The following KLF8 variants were observed in gnomAD, a reference collection of about 807,000 sequenced individuals.
KLF8 encodes the protein Krueppel-like factor 8.
Under a neutral mutation model 18.2 loss-of-function variants are expected in KLF8, and 10 were observed. The ratio of observed to expected loss-of-function variants is 0.55; its 90% CI spans 0.34 to 0.93. The LOEUF is 0.93. Ranked by LOEUF, KLF8 falls within the 40% of genes least tolerant of loss-of-function variation. The pLI, the probability that KLF8 is intolerant of heterozygous loss-of-function variation, is 0.02. For synonymous variants in KLF8, 109 were observed against 97.3 expected (o/e 1.12, Z -0.71); for missense variants, 264 against 277.9 (o/e 0.95, Z 0.36).
At chrX:56,061,633 A>G in the KLF8 span, among the ~76,000 whole-genome samples, 3 of 111,771 alleles carry the variant, frequency 2.7e-5, no homozygotes, top group Non-Finnish European at 5.6e-5. Context: ...AGAAGAATGT[A>G]TATTCTGTTG....
the KLF8 span, among the ~76,000 whole-genome samples, chrX:55,946,265 A>T: frequency 8.9e-6 from 1 of 112,102 alleles, no homozygotes; most frequent in Non-Finnish European, 1.9e-5. Context: ...CCAAAACAGC[A>T]TGGTACTGGT....
the KLF8 span, among the ~76,000 whole-genome samples, chrX:55,977,237 A>G: frequency 8.0e-4 from 89 of 111,683 alleles, no homozygotes; most frequent in African/African-American, 2.7e-3. Flanking sequence ...ACCGTTGGGT[A>G]TGATGTTAGT....
chrX:56,162,218 T>A, the KLF8 span, among the ~76,000 whole-genome samples: 1 of 112,156 alleles, frequency 8.9e-6, no homozygotes, highest in Non-Finnish European at 1.9e-5. Flanking sequence ...TTGGGGGTCA[T>A]GGACCCACTT....
chrX:56,082,093 T>C, the KLF8 span, among the ~76,000 whole-genome samples: 3 of 111,753 alleles, frequency 2.7e-5, no homozygotes, highest in African/African-American at 9.7e-5. Flanking sequence ...GACTGTTCTC[T>C]GTTTAGAAGT....
the KLF8 span, among the ~76,000 whole-genome samples, chrX:55,910,495 C>A: frequency 9.0e-6 from 1 of 111,346 alleles, no homozygotes; most frequent in African/African-American, 3.3e-5. Context: ...GTGTTCTAGA[C>A]AGAGGAAGTA....
chrX:56,174,264 C>T, the KLF8 span, among the ~76,000 whole-genome samples: 1 of 111,752 alleles, frequency 8.9e-6, no homozygotes, highest in Non-Finnish European at 1.9e-5. Flanking sequence ...TTTGGAGATA[C>T]GTCCCATCAA....
chrX:56,169,707 A>G, the KLF8 span, among the ~76,000 whole-genome samples: 3 of 110,252 alleles, frequency 2.7e-5, no homozygotes, highest in Non-Finnish European at 5.7e-5. Flanking sequence ...AGTTTTTTTG[A>G]CTCCAGTCCC....
the KLF8 span, among the ~76,000 whole-genome samples, chrX:55,909,464 A>G: frequency 3.5e-5 from 4 of 112,770 alleles, no homozygotes; most frequent in Non-Finnish European, 7.5e-5. Context: ...ATTTTATTGA[A>G]TGCCAGGTGC....
At chrX:56,256,229 C>A (rs1247851734) in intron 2 of KLF8, among the ~76,000 whole-genome samples, 1 of 111,175 alleles carries the variant, frequency 9.0e-6, no homozygotes, top group Non-Finnish European at 1.9e-5. Context: ...GTTGTAATGT[C>A]TCCTTTTTCA....
the KLF8 span, among the ~76,000 whole-genome samples, chrX:55,989,676 T>C: frequency 8.9e-6 from 1 of 111,791 alleles, no homozygotes; most frequent in African/African-American, 3.3e-5. Flanking sequence ...TTTTTTGTTG[T>C]ATCTCTGCCA....
chrX:56,278,751 G>A (rs1010960382), intron 5 of KLF8, among the ~76,000 whole-genome samples: 1 of 111,504 alleles, frequency 9.0e-6, no homozygotes, highest in Non-Finnish European at 1.9e-5. Context: ...AGTCCTTGTG[G>A]CCTATACTGC....
chrX:56,227,766 G>A (rs1473095373), upstream of KLF8, among the ~76,000 whole-genome samples: 1 of 110,554 alleles, frequency 9.0e-6, no homozygotes, highest in Non-Finnish European at 1.9e-5. Context: ...TGACTTGATT[G>A]TTGATTATAA....
the KLF8 span, among the ~76,000 whole-genome samples, chrX:56,115,325 G>A: frequency 9.0e-6 from 1 of 111,058 alleles, no homozygotes; most frequent in African/African-American, 3.3e-5. Context: ...TGAAGGGGAA[G>A]GTTAGATAGT....
chrX:56,174,528 G>A, the KLF8 span, among the ~76,000 whole-genome samples: 1 of 111,984 alleles, frequency 8.9e-6, no homozygotes, highest in South Asian at 3.7e-4. Context: ...TTGCATCGAT[G>A]TTCATCAAGG....
At chrX:56,186,880 G>A in the KLF8 span, among the ~76,000 whole-genome samples, 1 of 112,066 alleles carries the variant, frequency 8.9e-6, no homozygotes, top group Non-Finnish European at 1.9e-5. Flanking sequence ...AAAGCAGTGT[G>A]TAGAAGGAAA....
chrX:56,263,139 G>T (rs941680606), intron 2 of KLF8, among the ~76,000 whole-genome samples: 15 of 111,582 alleles, frequency 1.3e-4, no homozygotes, highest in African/African-American at 4.6e-4. Flanking sequence ...TGAGAACAGG[G>T]GAGTTTTATG....
At chrX:56,022,252 G>GA in the KLF8 span, among the ~76,000 whole-genome samples, 2 of 110,686 alleles carry the variant, frequency 1.8e-5, no homozygotes, top group South Asian at 7.7e-4. Flanking sequence ...CTTTATTCAA[G>GA]AAAAATGTCT....
the KLF8 span, among the ~76,000 whole-genome samples, chrX:56,153,929 G>A: frequency 9.0e-6 from 1 of 111,360 alleles, no homozygotes; most frequent in African/African-American, 3.3e-5. Flanking sequence ...TGAAATAAAA[G>A]AGGATACAAA....
At chrX:56,085,955 G>C in the KLF8 span, among the ~76,000 whole-genome samples, 1 of 111,872 alleles carries the variant, frequency 8.9e-6, no homozygotes, top group African/African-American at 3.2e-5. Flanking sequence ...AGGGCTTACT[G>C]AACCTCAGTA....
Sources: gnomAD v4.1 joint callset for allele counts (sites outside exome capture counted in the v4.1 genomes callset) on GRCh38, gnomAD v4.1.1 for gene constraint, MANE v1.5 for transcripts, NCBI Gene and HGNC (gene_info 2026-07-23, HGNC 2026-07-21) for gene names.